The following HSD17B12 variants were observed in gnomAD, a reference collection of about 807,000 sequenced individuals.
The protein encoded by HSD17B12 is very-long-chain 3-oxoacyl-CoA reductase.
A neutral mutation model predicts 39.3 loss-of-function variants in HSD17B12; 32 were observed. The ratio of observed to expected loss-of-function variants is 0.81; its 90% confidence interval spans 0.61 to 1.09. The LOEUF (loss-of-function observed/expected upper bound fraction) is 1.09, where lower values mean the gene tolerates loss of function less well. Ranked by LOEUF, HSD17B12 falls within the 50% of genes least tolerant of loss-of-function variation. The pLI is 0.00. For missense variants in HSD17B12, 342 were observed against 382.9 expected (o/e 0.89, Z 0.89); for synonymous variants, 150 against 146.7 (o/e 1.02, Z -0.16).
the HSD17B12 span, among the ~76,000 whole-genome samples, chr11:43,613,885 T>C: frequency 2.6e-5 from 4 of 152,176 alleles, no homozygotes; most frequent in Non-Finnish European, 5.9e-5. Flanking sequence ...CAGGCTGGCC[T>C]CAAACTCCTA....
chr11:43,670,455 C>T, the HSD17B12 span: 1 of 152,034 alleles, frequency 6.6e-6, no homozygotes, highest in Non-Finnish European at 1.5e-5. Flanking sequence ...GCTGTGCTTA[C>T]CTTTGGAGAA....
chr11:43,674,945 T>G, the HSD17B12 span, among the ~76,000 whole-genome samples: 1 of 152,234 alleles, frequency 6.6e-6, no homozygotes, highest in African/African-American at 2.4e-5. Context: ...TTTGTACGTA[T>G]TACAATTTTT....
At chr11:43,719,823 G>A (rs759907593) in intron 1 of HSD17B12, among the ~76,000 whole-genome samples, 4 of 151,922 alleles carry the variant, frequency 2.6e-5, no homozygotes, top group Non-Finnish European at 5.9e-5. Flanking sequence ...TGTGAAGTTG[G>A]GAACCCACAG....
intron 1 of HSD17B12, among the ~76,000 whole-genome samples, chr11:43,724,571 G>A (rs1417477983): frequency 1.3e-5 from 2 of 152,166 alleles, no homozygotes; most frequent in Non-Finnish European, 2.9e-5. Flanking sequence ...GGTATATGGT[G>A]AGGGACTGTT....
At chr11:43,643,421 C>A in the HSD17B12 span, among the ~76,000 whole-genome samples, 325 of 152,146 alleles carry the variant, frequency 2.1e-3, no homozygotes, top group Non-Finnish European at 3.7e-3. Context: ...TGTAATTGTG[C>A]AGTCTCCTGA....
In HSD17B12 at chr11:43,850,616, C is replaced by T. The variant is rs144444552; in HGVS notation, c.685-4099C>T. On this transcript the variant is annotated intron_variant, in intron 9 of 10. Transcript: ENST00000278353. Reference sequence around the variant, plus strand: ...ACCATGTTAAGTTCCAAGGTTCAATCCCTGATTCTTGAATATCTGCCATGC... The same window carrying T: ...ACCATGTTAAGTTCCAAGGTTCAATTCCTGATTCTTGAATATCTGCCATGC... 4.2e-3 allele frequency among the ~76,000 whole-genome samples: 644 copies of T among 152,324 alleles called. 3 individuals are homozygous for T. Among genetic ancestry groups the T allele is most frequent in the Admixed American group, 8.2e-3 (125 of 15,294 alleles).
At chr11:43,657,825 A>G in the HSD17B12 span, among the ~76,000 whole-genome samples, 6 of 152,074 alleles carry the variant, frequency 3.9e-5, no homozygotes, top group East Asian at 1.9e-4. Flanking sequence ...CTCTCTGGCT[A>G]CCCTTAACAT....
Position 43,796,413 on chromosome 11 carries a change from G to A in HSD17B12, c.284-1907G>A, listed in dbSNP as rs370217340. Among the ~76,000 whole-genome samples the A allele has an allele frequency of 8.5e-5, 13 of 152,180 alleles. No homozygotes were observed. In the East Asian group the frequency reaches 1.5e-3, roughly 18 times the overall value. On this transcript the variant is annotated intron_variant, in intron 3 of 10. Transcript: ENST00000278353. The stretch of plus-strand genomic sequence containing the variant: ...TGAAGAAAAGTTGTTTTTTAAAAAA[G>A]GCAGTGGTCACTGTATTAGTACATG...
chr11:43,812,106 TTATC>T (rs1053947439), intron 4 of HSD17B12, among the ~76,000 whole-genome samples: 3 of 152,232 alleles, frequency 2.0e-5, no homozygotes, highest in African/African-American at 7.2e-5. Context: ...AAATTTTTCT[TTATC>T]TATTTATTTG....
At chr11:43,799,840 G>T (rs1950949484) in intron 4 of HSD17B12, among the ~76,000 whole-genome samples, 1 of 152,248 alleles carries the variant, frequency 6.6e-6, no homozygotes, top group East Asian at 1.9e-4. Context: ...GTATAGCCCT[G>T]CATAGTACTG....
At chr11:43,748,681 T>C (rs1416657804) in intron 1 of HSD17B12, among the ~76,000 whole-genome samples, 1 of 152,202 alleles carries the variant, frequency 6.6e-6, no homozygotes, top group Non-Finnish European at 1.5e-5. Context: ...TATAAGATGC[T>C]CAGTTTTCTG....
rs192736819 is a variant in HSD17B12 at position 43,726,445 on chromosome 11, A to T, written c.161-24466A>T. Among the ~76,000 whole-genome samples, 192 of 152,342 alleles carry T rather than the reference A, an allele frequency of 1.3e-3. 1 individual carries two copies. Among genetic ancestry groups the T allele is most frequent in the African/African-American group, 4.5e-3 (185 of 41,572 alleles). ...TAGTAGGGCTTGAGATGGCTCATCT[A>T]AACAGTTACCCACAATTTCCACAAC... On this transcript the variant is annotated intron_variant, in intron 1 of 10. Transcript: ENST00000278353.
At chr11:43,757,623 G>A (rs1460483899) in intron 3 of HSD17B12, among the ~76,000 whole-genome samples, 2 of 93,478 alleles carry the variant, frequency 2.1e-5, no homozygotes, top group African/African-American at 8.6e-5. Flanking sequence ...CTGGGCGACA[G>A]AGCGAGACTC....
At chr11:43,622,421 C>T in the HSD17B12 span, among the ~76,000 whole-genome samples, 1 of 151,684 alleles carries the variant, frequency 6.6e-6, no homozygotes, top group Admixed American at 6.6e-5. Flanking sequence ...TAAAGCAAGA[C>T]CTCCATTTCT....
chr11:43,647,834 T>A, the HSD17B12 span, among the ~76,000 whole-genome samples: 2 of 152,174 alleles, frequency 1.3e-5, no homozygotes, highest in Non-Finnish European at 2.9e-5. Flanking sequence ...AGGAGTGGTA[T>A]TTTTAAAACT....
At chr11:43,570,008 T>C in the HSD17B12 span, 2 of 152,688 alleles carry the variant, frequency 1.3e-5, no homozygotes, top group African/African-American at 4.8e-5. Flanking sequence ...TGGCAAATTA[T>C]GTCCAGAGGG....
At chr11:43,572,254 C>G in the HSD17B12 span, among the ~76,000 whole-genome samples, 1 of 152,180 alleles carries the variant, frequency 6.6e-6, no homozygotes, top group Non-Finnish European at 1.5e-5. Context: ...TGAGGCTAAA[C>G]CAGCTAGGGC....
chr11:43,716,312 G>A (rs903534000), intron 1 of HSD17B12, among the ~76,000 whole-genome samples: 4 of 152,140 alleles, frequency 2.6e-5, no homozygotes, highest in Non-Finnish European at 5.9e-5. Context: ...TAGGAATTTT[G>A]TTTGAAAGTT....
intron 3 of HSD17B12, among the ~76,000 whole-genome samples, chr11:43,783,095 G>A (rs1341667695): frequency 1.3e-5 from 2 of 152,210 alleles, no homozygotes; most frequent in Non-Finnish European, 2.9e-5. Flanking sequence ...GGACAGGGCA[G>A]AAAGACTGTT....
Sources: gnomAD v4.1 joint callset for allele counts (sites outside exome capture counted in the v4.1 genomes callset) on GRCh38, gnomAD v4.1.1 for gene constraint, MANE v1.5 for transcripts, NCBI Gene and HGNC (gene_info 2026-07-23, HGNC 2026-07-21) for gene names.